Variants in CATSPERG observed in about 807,000 individuals in gnomAD.
CATSPERG encodes the protein catsper channel auxiliary subunit gamma.
CATSPERG carries 115 observed loss-of-function variants against 145.0 expected under a neutral mutation model. That is an observed-to-expected ratio of 0.79 (90% confidence interval 0.68 to 0.93). The LOEUF (loss-of-function observed/expected upper bound fraction) is 0.93, where lower values mean the gene tolerates loss of function less well. Ranked by LOEUF, CATSPERG falls within the 40% of genes least tolerant of loss-of-function variation. CATSPERG has a pLI of 0.00. For synonymous variants in CATSPERG, 588 were observed against 589.0 expected (o/e 1.00, Z 0.02); for missense variants, 1,296 against 1,490.1 (o/e 0.87, Z 2.14).
intron 25 of CATSPERG, 59 bp downstream of exon 25, chr19:38,367,835 C>CG: frequency 6.6e-7 from 1 of 1,511,532 alleles, no homozygotes; most frequent in South Asian, 1.1e-5. Context: ...GCCTTTCCCA[C>CG]TTCCAAGCCA....
rs370761187 is a variant in CATSPERG at position 38,357,943 on chromosome 19, C to T, written c.1316-335C>T. The T allele has an allele frequency of 5.4e-3, 1,363 of 254,556 alleles. 26 individuals carry two copies. Among genetic ancestry groups the T allele is most frequent in the South Asian group, 0.037 (592 of 16,068 alleles). The allele number at this position is 254,556 out of a possible 1,614,324, so 15.8% of individuals were successfully genotyped here. On this transcript the variant is annotated intron_variant, in intron 11 of 28. Transcript: ENST00000409235. Reference sequence around the variant, plus strand: ...CTGCAGCCTGGGCAACAGAGCGAGACTCCATCTCGAAAAAAAAAAAAATTA... The same window carrying T: ...CTGCAGCCTGGGCAACAGAGCGAGATTCCATCTCGAAAAAAAAAAAAATTA...
chr19:38,356,563 G>A lies in CATSPERG; in HGVS notation c.1195+20G>A. The A allele has an allele frequency of 1.2e-6, 2 of 1,611,994 alleles. No individual in the cohort carries two copies. Among genetic ancestry groups the A allele is most frequent in the Non-Finnish European group, 1.7e-6 (2 of 1,178,664 alleles). ...TAGGAGGTACTCATTACCCCGATGG[G>A]TCTGCGGTGGGAGGCTGGGGGAACT... On this transcript the variant is annotated intron_variant, in intron 10 of 28. Coordinates refer to ENST00000409235, the MANE Select transcript of CATSPERG (RefSeq NM_021185.5).
At position 38,370,157 on chromosome 19, in the gene CATSPERG, A is replaced by G. The variant is rs770581774; in HGVS notation, c.3114-2A>G. Reference sequence around the variant, plus strand: ...TCCTGGATCCCCTCCCAACCCCTGCAGAGGAGTGGACACGAGCACCTACTG... The same window carrying G: ...TCCTGGATCCCCTCCCAACCCCTGCGGAGGAGTGGACACGAGCACCTACTG... On this transcript the variant is annotated splice_acceptor_variant, in intron 27 of 28. Transcript: ENST00000409235. LOFTEE classifies it high-confidence loss of function. The G allele has an allele frequency of 6.2e-7, 1 of 1,613,906 alleles. No homozygotes were observed. Among genetic ancestry groups the G allele is most frequent in the East Asian group, 2.2e-5 (1 of 44,880 alleles).
chr19:38,366,495 G>A (rs563712472), intron 22 of CATSPERG: 23 of 152,636 alleles, frequency 1.5e-4, no homozygotes, highest in African/African-American at 5.1e-4. Flanking sequence ...GCCCTTATGG[G>A]CCATGGTATG....
At chr19:38,358,133 A>G in intron 11 of CATSPERG, 145 bp from the exon 12 acceptor site, 1 of 721,590 alleles carries the variant, frequency 1.4e-6, no homozygotes, top group South Asian at 1.9e-5. Context: ...AAATAAAAGA[A>G]AAGAAACTCT....
At chr19:38,336,147 G>T in intron 1 of CATSPERG, 1 of 455,910 alleles carries the variant, frequency 2.2e-6, no homozygotes, top group Non-Finnish European at 4.4e-6. Context: ...AATGGCATGG[G>T]AAGGAAGAGT....
At chr19:38,356,949 G>C in intron 11 of CATSPERG, 88 bp downstream of exon 11, 1 of 1,527,670 alleles carries the variant, frequency 6.5e-7, no homozygotes, top group Non-Finnish European at 8.9e-7. Flanking sequence ...TCTGTGCCCA[G>C]CAGACAGAGG....
rs1970250991 is a variant in CATSPERG at position 38,356,768 on chromosome 19, G to A, written c.1222G>A (p.Glu408Lys). The change falls in exon 11 of 29, where the codon GAA becomes AAA. Residue 408 changes from glutamate to lysine, a missense_variant. Glu to Lys is a moderately conservative substitution (Grantham distance 56). Transcript: ENST00000409235. Reference protein sequence around the residue: ...GVTTCSIIWSEYIAGEYTLLL... With the variant: ...GVTTCSIIWSKYIAGEYTLLL... ...TACCACCTGCTCCATAATTTGGTCT[G>A]AATACATCGCGGGTGAGTATACTCT... 4.3e-6 allele frequency: 7 copies of A among 1,614,202 alleles called. No homozygotes were observed. The highest frequency in any genetic ancestry group is 5.9e-6 in the Non-Finnish European group (7 of 1,180,034).
chr19:38,352,122 G>A (rs1400244934), intron 7 of CATSPERG, 139 bp from the exon 8 acceptor site: 1 of 784,210 alleles, frequency 1.3e-6, no homozygotes, highest in Admixed American at 2.5e-5. Context: ...GCTGCTGCGG[G>A]GTGAGCAGGG....
At position 38,367,231 on chromosome 19, in the gene CATSPERG, G is replaced by GA; in HGVS notation, c.2691dup (p.Tyr898IlefsTer11). 6.2e-7 allele frequency: 1 copy of GA among 1,613,938 alleles called. No homozygotes were observed. The highest frequency in any genetic ancestry group is 8.5e-7 in the Non-Finnish European group (1 of 1,179,996). On this transcript the variant is annotated frameshift_variant, in exon 23 of 29. Coordinates refer to ENST00000409235, the MANE Select transcript of CATSPERG (RefSeq NM_021185.5). LOFTEE classifies it high-confidence loss of function. ...GGCCTTCGACATCACCTACACGCTG[G>GA]AATACAGCCGCCTGAAGAACAAACA...
chr19:38,344,882 C>CACACACAT (rs1379988844), intron 6 of CATSPERG, among the ~76,000 whole-genome samples: 10 of 53,324 alleles, frequency 1.9e-4, no homozygotes, highest in Non-Finnish European at 3.8e-4. Flanking sequence ...CACACACACA[C>CACACACAT]ATATATATAT....
At chr19:38,342,525 A>G (rs149482339) in intron 3 of CATSPERG, among the ~76,000 whole-genome samples, 3,658 of 151,548 alleles carry the variant, frequency 0.024, 62 homozygotes, top group South Asian at 0.046. Context: ...ACTTGAACCC[A>G]GGAGACAGAG....
chr19:38,367,351 C>T (rs562954839), intron 23 of CATSPERG, 39 bp downstream of exon 23: 4 of 1,595,768 alleles, frequency 2.5e-6, no homozygotes, highest in Admixed American at 3.4e-5. Context: ...GTTCACTGCC[C>T]TCTTGCCCCC....
intron 16 of CATSPERG, 44 bp from the exon 17 acceptor site, chr19:38,361,604 G>C: frequency 1.3e-6 from 2 of 1,504,538 alleles, no homozygotes; most frequent in Non-Finnish European, 1.8e-6. Context: ...CCAGTGCGCG[G>C]GGTGCCTTAG....
At chr19:38,359,151 A>G (rs1369250035) in intron 13 of CATSPERG, among the ~76,000 whole-genome samples, 1 of 151,772 alleles carries the variant, frequency 6.6e-6, no homozygotes, top group Admixed American at 6.6e-5. Context: ...TGCCCGGCTA[A>G]TTGACAAACA....
intron 4 of CATSPERG, 28 bp downstream of exon 4, chr19:38,343,752 G>T: frequency 6.5e-7 from 1 of 1,541,548 alleles, no homozygotes; most frequent in Non-Finnish European, 8.7e-7. Flanking sequence ...GGGAGGGATC[G>T]CAACCTGGCA....
Position 38,358,448 on chromosome 19 carries a change from C to T in CATSPERG, c.1383C>T (p.Phe461=). The change falls in exon 13 of 29, where the codon TTC becomes TTT. Residue 461 remains phenylalanine, a synonymous_variant. Coordinates refer to ENST00000409235, the MANE Select transcript of CATSPERG (RefSeq NM_021185.5). ...EFIPEARGLE[F]LMILGTESYT... is the part of the protein sequence containing the mutation. ...TCCGGTCAGCTCGAGGATTGGAGTT[C>T]CTGATGATCCTAGGGACAGAGTCCT... is the stretch of plus-strand genomic sequence containing the variant. 2 of 1,614,136 alleles carry T rather than the reference C, an allele frequency of 1.2e-6. No homozygotes were observed. Among genetic ancestry groups the T allele is most frequent in the South Asian group, 1.1e-5 (1 of 91,086 alleles).
Position 38,354,694 on chromosome 19 carries a change from A to G in CATSPERG, c.998-16A>G. On this transcript the variant is annotated splice_polypyrimidine_tract_variant and intron_variant, in intron 8 of 28. Transcript: ENST00000409235. ...TCCAACCACCTGGGTCTGAGGCCCC[A>G]TACTGACTTCACTAGGCAGTTGGAT... 6.2e-7 allele frequency: 1 copy of G among 1,613,492 alleles called. No individual in the cohort carries two copies. Among genetic ancestry groups the G allele is most frequent in the African/African-American group, 1.3e-5 (1 of 75,078 alleles).
rs541058141 is a variant in CATSPERG at position 38,359,442 on chromosome 19, G to A, written c.1497-28G>A. 5.3e-5 allele frequency: 79 copies of A among 1,493,662 alleles called. 1 individual carries two copies. Among genetic ancestry groups the A allele is most frequent in the African/African-American group, 2.9e-4 (21 of 72,518 alleles). The allele number at this position is 1,493,662 out of a possible 1,614,324, so 92.5% of individuals were successfully genotyped here. A position where few individuals can be genotyped will look rare whatever the true frequency, so the allele number is the denominator to read the frequency against. On this transcript the variant is annotated intron_variant, in intron 13 of 28. Coordinates refer to ENST00000409235, the MANE Select transcript of CATSPERG (RefSeq NM_021185.5). ...TGGGGGAAGCGGCTGTCCAGCATGC[G>A]CCTAGCTCTCCATCTCTGTCCCTGC...
Sources: gnomAD v4.1 joint callset for allele counts (sites outside exome capture counted in the v4.1 genomes callset) on GRCh38, gnomAD v4.1.1 for gene constraint, MANE v1.5 for transcripts, NCBI Gene and HGNC (gene_info 2026-07-23, HGNC 2026-07-21) for gene names.